Variants in CATSPER3 observed in about 807,000 individuals in gnomAD.
CATSPER3 encodes cation channel sperm-associated protein 3.
Under a neutral mutation model 36.6 loss-of-function variants are expected in CATSPER3, and 23 were observed. That is an observed-to-expected ratio of 0.63 (90% CI 0.45 to 0.89). The LOEUF (loss-of-function observed/expected upper bound fraction) is 0.89. CATSPER3 is among the 40% of genes least tolerant of loss of function. The pLI, the probability that CATSPER3 is intolerant of heterozygous loss-of-function variation, is 0.00. For missense variants in CATSPER3, 474 were observed against 503.9 expected, an observed-to-expected ratio of 0.94 and a Z score of 0.57; for synonymous variants, 172 against 184.1, an observed-to-expected ratio of 0.93 and a Z score of 0.53.
chr5:135,011,567 C>T lies in CATSPER3; in HGVS notation c.1141C>T (p.Leu381=), dbSNP rs1156388997. The T allele has an allele frequency of 6.2e-7, 1 of 1,613,992 alleles. No individual in the cohort carries two copies. The highest frequency in any genetic ancestry group is 1.3e-5 in the African/African-American group (1 of 74,934). ...YEIVHVLSLM[L]EDLPQEKPQS... is the part of the protein sequence containing the mutation. ...GATCGTGCATGTGCTGAGCCTAATG[C>T]TGGAAGACTTGCCCCAGGAGAAGCC... The change falls in exon 8 of 8, where the codon CTG becomes TTG. Residue 381 remains leucine (L), a synonymous_variant. Coordinates refer to ENST00000282611, the MANE Select transcript of CATSPER3 (RefSeq NM_178019.3).
rs528113214 is a variant in CATSPER3 at position 134,992,672 on chromosome 5, A to T, written c.253-3601A>T. ...CCTGGGAGGCAGAGGTTGCAGTGAGACTCAGATCATGCCACTGCACTCCAG... is the reference window on the plus strand; with the variant it reads ...CCTGGGAGGCAGAGGTTGCAGTGAGTCTCAGATCATGCCACTGCACTCCAG... On this transcript the variant is annotated intron_variant, in intron 2 of 7. Transcript: ENST00000282611. 1.5e-4 allele frequency among the ~76,000 whole-genome samples: 23 copies of T among 152,042 alleles called. No homozygotes were observed. The South Asian group carries it at 4.6e-3, about 30-fold the overall frequency.
intron 2 of CATSPER3, among the ~76,000 whole-genome samples, chr5:134,977,620 G>T (rs986894548): frequency 1.4e-4 from 21 of 152,118 alleles, no homozygotes; most frequent in African/African-American, 4.8e-4. Flanking sequence ...AGACTTCCAA[G>T]CTCTTCCATT....
chr5:134,969,750 A>G, intron 1 of CATSPER3, 189 bp from the exon 2 acceptor site: 1 of 647,442 alleles, frequency 1.5e-6, no homozygotes, highest in East Asian at 2.8e-5. Flanking sequence ...GTGAGGACAG[A>G]GTATCCATGA....
At chr5:134,985,420 G>T (rs559313472) in intron 2 of CATSPER3, among the ~76,000 whole-genome samples, 13 of 152,254 alleles carry the variant, frequency 8.5e-5, no homozygotes, top group African/African-American at 2.4e-4. Flanking sequence ...ACATTGTGGG[G>T]AGACAGTGAA....
intron 2 of CATSPER3, among the ~76,000 whole-genome samples, chr5:134,990,066 G>A (rs963871798): frequency 6.6e-6 from 1 of 152,150 alleles, no homozygotes; most frequent in African/African-American, 2.4e-5. Context: ...CATTCATTGA[G>A]TTTGCTGTAT....
chr5:135,004,857 C>G (rs1752065501), intron 3 of CATSPER3, among the ~76,000 whole-genome samples: 1 of 152,096 alleles, frequency 6.6e-6, no homozygotes, highest in Non-Finnish European at 1.5e-5. Flanking sequence ...TAGATGGTGG[C>G]CCCCTGAATC....
chr5:135,008,242 A>T, intron 4 of CATSPER3, 103 bp downstream of exon 4: 1 of 949,848 alleles, frequency 1.1e-6, no homozygotes, highest in Non-Finnish European at 1.7e-6. Flanking sequence ...GGCTTTCCTC[A>T]TGTCCAGGTA....
intron 3 of CATSPER3, among the ~76,000 whole-genome samples, chr5:134,996,726 G>A (rs1389534572): frequency 6.6e-6 from 1 of 152,232 alleles, no homozygotes; most frequent in African/African-American, 2.4e-5. Context: ...AGAAATTGAA[G>A]CCCAAGGTCA....
intron 3 of CATSPER3, among the ~76,000 whole-genome samples, chr5:135,007,412 G>A (rs1345229218): frequency 6.6e-6 from 1 of 152,218 alleles, no homozygotes; most frequent in Non-Finnish European, 1.5e-5. Flanking sequence ...CAATGTAGCG[G>A]GGAGATAAGA....
At chr5:134,996,601 C>T in intron 3 of CATSPER3, 89 bp downstream of exon 3, 1 of 1,356,174 alleles carries the variant, frequency 7.4e-7, no homozygotes, top group East Asian at 2.3e-5. Context: ...GACTCTACTA[C>T]CATCTTCCAG....
At position 135,008,214 on chromosome 5, in the gene CATSPER3, A is replaced by G. The variant is rs1580916340; in HGVS notation, c.675+75A>G. 4 of 1,242,798 alleles carry G rather than the reference A, an allele frequency of 3.2e-6. No homozygotes were observed. The East Asian group carries it at 7.0e-5, about 22-fold the overall frequency. The allele number at this position is 1,242,798 out of a possible 1,614,324, so 77.0% of individuals were successfully genotyped here. A position where few individuals can be genotyped will look rare whatever the true frequency, so the allele number is the denominator to read the frequency against. On this transcript the variant is annotated intron_variant, in intron 4 of 7. Transcript: ENST00000282611. ...GCCTAGGTGGTGCAAGCGTGTGGAC[A>G]TGTGGGGCCTCACATGGGGCTTTCC...
chr5:134,979,941 CAT>C (rs1751728915), intron 2 of CATSPER3, among the ~76,000 whole-genome samples: 1 of 139,438 alleles, frequency 7.2e-6, no homozygotes, highest in Non-Finnish European at 1.6e-5. Context: ...CTCCCACCCT[CAT>C]TTCCCACCCT....
chr5:134,979,344 C>T (rs1461021685), intron 2 of CATSPER3, among the ~76,000 whole-genome samples: 1 of 152,104 alleles, frequency 6.6e-6, no homozygotes, highest in African/African-American at 2.4e-5. Context: ...GCTATGCTGC[C>T]CAGGCTGGTC....
Position 134,995,359 on chromosome 5 carries a change from T to A in CATSPER3, c.253-914T>A, listed in dbSNP as rs1202615389. Among the ~76,000 whole-genome samples, 4 of 152,278 alleles carry A rather than the reference T, an allele frequency of 2.6e-5. No homozygotes were observed. In the East Asian group the frequency reaches 5.8e-4, roughly 22 times the overall value. ...GAGATCCACTTTTTTAGCTCCCACA[T>A]ATGAGTGAGAACATGTGATATTTGT... is the stretch of plus-strand genomic sequence containing the variant. On this transcript the variant is annotated intron_variant, in intron 2 of 7. Transcript: ENST00000282611.
intron 2 of CATSPER3, among the ~76,000 whole-genome samples, chr5:134,985,058 A>G (rs1366559819): frequency 6.6e-6 from 1 of 152,260 alleles, no homozygotes; most frequent in East Asian, 1.9e-4. Flanking sequence ...GCCTTGAGTG[A>G]TCTGCCCACC....
chr5:134,981,054 T>A (rs1428907407), intron 2 of CATSPER3, among the ~76,000 whole-genome samples: 1 of 152,150 alleles, frequency 6.6e-6, no homozygotes, highest in African/African-American at 2.4e-5. Context: ...TTCTTATTTC[T>A]TTTTATTTTT....
intron 2 of CATSPER3, 70 bp downstream of exon 2, chr5:134,970,162 A>ATTTT: frequency 8.0e-7 from 1 of 1,246,224 alleles, no homozygotes; most frequent in Non-Finnish European, 1.1e-6. Flanking sequence ...ACATTATAAG[A>ATTTT]TTTTTTTTTT....
intron 2 of CATSPER3, among the ~76,000 whole-genome samples, chr5:134,992,903 A>G (rs865784016): frequency 2.7e-4 from 41 of 152,236 alleles, no homozygotes; most frequent in African/African-American, 9.6e-4. Flanking sequence ...ACTTCTGGGT[A>G]TATACCCAAA....
At chr5:135,002,723 C>A (rs1186096638) in intron 3 of CATSPER3, among the ~76,000 whole-genome samples, 12 of 152,120 alleles carry the variant, frequency 7.9e-5, no homozygotes, top group African/African-American at 2.9e-4. Context: ...TCACTGATAC[C>A]CTTTCTTCCA....
Sources: allele counts gnomAD v4.1 joint callset (sites outside exome capture counted in the v4.1 genomes callset), GRCh38; gene constraint gnomAD v4.1.1; transcripts MANE v1.5; gene names NCBI Gene and HGNC (gene_info 2026-07-23, HGNC 2026-07-21).